The following HMCN2 variants were observed in gnomAD, a reference collection of about 807,000 sequenced individuals.
HMCN2 encodes the protein hemicentin-2.
A neutral mutation model predicts 377.5 loss-of-function variants in HMCN2; 325 were observed. The observed-to-expected ratio is 0.86, with a 90% CI of 0.79 to 0.94. The LOEUF is 0.94. HMCN2 is among the 40% of genes least tolerant of loss of function. The pLI is 0.00. For synonymous variants in HMCN2, 2,007 were observed against 2,046.8 expected (o/e 0.98, Z 0.53); for missense variants, 4,543 against 4,725.3 (o/e 0.96, Z 1.13).
chr9:130,364,653 C>A, intron 40 of HMCN2, 61 bp from the exon 41 acceptor site: 1 of 904,918 alleles, frequency 1.1e-6, no homozygotes, highest in Non-Finnish European at 1.3e-6. Context: ...CAGGGTGTGG[C>A]CCCTCCTTGC....
At position 130,382,824 on chromosome 9, in the gene HMCN2, G is replaced by T; in HGVS notation, c.8691G>T (p.Pro2897=). Residue 2897 remains proline (P), a synonymous_variant, in exon 56 of 98, where the codon CCG becomes CCT. Transcript: ENST00000683500. ...TCCAGAATGGGCTGCCTTTCTCCCC[G>T]AGCCCACGGCTGCAGGTCCTGGAGG... is the stretch of plus-strand genomic sequence containing the variant. ...SWLQNGLPFS[P]SPRLQVLEDG... 2 of 985,898 alleles carry T rather than the reference G, an allele frequency of 2.0e-6. No individual in the cohort carries two copies. The highest frequency in any genetic ancestry group is 2.4e-6 in the Non-Finnish European group (2 of 829,938). 61.1% of individuals were successfully genotyped at this position (985,898 alleles called of 1,614,324 possible).
chr9:130,310,175 T>A, intron 15 of HMCN2, 114 bp downstream of exon 15: 1 of 311,240 alleles, frequency 3.2e-6, no homozygotes, highest in Non-Finnish European at 6.6e-6. Context: ...GTAGATGGCA[T>A]CATGTGGATC....
At chr9:130,302,404 G>A (rs1294935741) in intron 8 of HMCN2, among the ~76,000 whole-genome samples, 3 of 152,144 alleles carry the variant, frequency 2.0e-5, no homozygotes, top group African/African-American at 7.2e-5. Context: ...TAAAACTGAT[G>A]TTCTAGGCGG....
chr9:130,375,632 C>T lies in HMCN2; in HGVS notation c.7700C>T (p.Pro2567Leu). ...GAGGTGACCGTGACTGTCAACAACC[C>T]CATCTCTCTGATCTGCGAGGCCCTG... ...DEEVTVTVNN[P>L]ISLICEALAF... The change falls in exon 50 of 98, where the codon CCC becomes CTC. Residue 2567 changes from proline to leucine, a missense_variant. Around this residue, in one of 5 missense-constraint regions of HMCN2, gnomAD observed 736 missense variants for 773.2 expected, o/e 0.95. Transcript: ENST00000683500. 1 of 985,884 alleles carries T rather than the reference C, an allele frequency of 1.0e-6. No homozygotes were observed. Among genetic ancestry groups the T allele is most frequent in the Non-Finnish European group, 1.2e-6 (1 of 829,970 alleles). 61.1% of individuals were successfully genotyped at this position (985,884 alleles called of 1,614,324 possible). A position where few individuals can be genotyped will look rare whatever the true frequency, so the allele number is the denominator to read the frequency against.
chr9:130,331,008 A>ACACAC (rs1838396739), intron 22 of HMCN2, among the ~76,000 whole-genome samples: 664 of 53,676 alleles, frequency 0.012, 3 homozygotes, highest in African/African-American at 0.033. Flanking sequence ...CACACACACA[A>ACACAC]ATAGCCGGAC....
chr9:130,316,772 C>T (rs980788884), intron 15 of HMCN2, among the ~76,000 whole-genome samples: 9 of 152,318 alleles, frequency 5.9e-5, no homozygotes, highest in Admixed American at 5.2e-4. Flanking sequence ...AGAGGGTCAC[C>T]TGGGAGTCTG....
At position 130,432,523 on chromosome 9, in the gene HMCN2, T is replaced by C. The variant is rs764787602; in HGVS notation, c.14862T>C (p.Cys4954=). ...RGSYQCVDTP[C]PATYRQGPSP... ...GCTACCAGTGTGTGGACACACCCTG[T>C]CCTGCCACCTACCGGCAGGGCCCCA... Residue 4954 remains cysteine (C), a synonymous_variant, in exon 97 of 98, where the codon TGT becomes TGC. Transcript: ENST00000683500. 1 of 1,550,596 alleles carries C rather than the reference T, an allele frequency of 6.4e-7. No homozygotes were observed. Among genetic ancestry groups the C allele is most frequent in the South Asian group, 1.2e-5 (1 of 84,060 alleles).
intron 7 of HMCN2, among the ~76,000 whole-genome samples, chr9:130,298,547 A>G (rs1357891567): frequency 6.6e-6 from 1 of 152,154 alleles, no homozygotes; most frequent in African/African-American, 2.4e-5. Context: ...GTCCAGTTCT[A>G]CCTCTTCTGG....
chr9:130,401,024 T>G (rs1280538159), intron 77 of HMCN2, 77 bp downstream of exon 77: 4 of 1,188,362 alleles, frequency 3.4e-6, no homozygotes, highest in Non-Finnish European at 4.3e-6. Context: ...AAAGGTCACA[T>G]GGCGGAATAG....
At chr9:130,411,953 A>T (rs113222540) in intron 85 of HMCN2, among the ~76,000 whole-genome samples, 128 of 30,320 alleles carry the variant, frequency 4.2e-3, no homozygotes, top group Non-Finnish European at 7.9e-3. Flanking sequence ...TATGTAATGT[A>T]TTTTTTTTAC....
chr9:130,406,120 A>G lies in HMCN2; in HGVS notation c.12505A>G (p.Ser4169Gly). 1 of 1,289,856 alleles carries G rather than the reference A, an allele frequency of 7.8e-7. No homozygotes were observed. Among genetic ancestry groups the G allele is most frequent in the South Asian group, 1.2e-5 (1 of 81,030 alleles). The allele number at this position is 1,289,856 out of a possible 1,614,324, so 79.9% of individuals were successfully genotyped here. A position where few individuals can be genotyped will look rare whatever the true frequency, so the allele number is the denominator to read the frequency against. ...RLWLRCAARG[S>G]PTPRIGWTVN... ...GTGGCTTCGCTGTGCAGCCCGGGGC[A>G]GCCCCACCCCTCGCATTGGCTGGAC... Residue 4169 changes from serine (S) to glycine (G), a missense_variant, in exon 82 of 98, where the codon AGC (serine) becomes GGC (glycine). Physicochemically the swap from Ser to Gly is moderately conservative, Grantham distance 56. Around this residue, in one of 5 missense-constraint regions of HMCN2, gnomAD observed 1,073 missense variants for 1,319.5 expected, o/e 0.81. Transcript: ENST00000683500.
Position 130,428,484 on chromosome 9 carries a change from G to C in HMCN2, c.14192G>C (p.Cys4731Ser), listed in dbSNP as rs1046235918. The C allele has an allele frequency of 6.5e-7, 1 of 1,540,446 alleles. No homozygotes were observed. ...TTCCGGGTGGCTGATGGGGCCGGCT[G>C]TGAAGGTGATGGGGGCACAGCATGC... ...PGFRVADGAG[C>S]EDVDECLEGL... The change falls in exon 93 of 98, where the codon TGT (cysteine) becomes TCT (serine). Residue 4731 changes from cysteine to serine, a missense_variant. Transcript: ENST00000683500. This position sits in a 1 kb window ranked among gnomAD's most constrained non-coding sequence, Gnocchi z 5.0.
chr9:130,403,067 T>C, intron 78 of HMCN2, 127 bp from the exon 79 acceptor site: 9 of 1,070,770 alleles, frequency 8.4e-6, no homozygotes, highest in Non-Finnish European at 1.1e-5. Context: ...TCCTTGTTGC[T>C]GTGGCCGATG....
intron 1 of HMCN2, among the ~76,000 whole-genome samples, chr9:130,270,480 T>C (rs1487204907): frequency 6.8e-6 from 1 of 147,992 alleles, no homozygotes; most frequent in Non-Finnish European, 1.5e-5. Flanking sequence ...GGTGTGAGGA[T>C]TGCTTGAGCC....
Position 130,299,151 on chromosome 9 carries a change from G to T in HMCN2, c.1139G>T (p.Gly380Val), listed in dbSNP as rs1554933278. The T allele has an allele frequency of 4.2e-6, 2 of 471,214 alleles. No homozygotes were observed. The highest frequency in any genetic ancestry group is 8.8e-6 in the Non-Finnish European group (2 of 227,050). The allele number at this position is 471,214 out of a possible 1,614,324, so 29.2% of individuals were successfully genotyped here. A position where few individuals can be genotyped will look rare whatever the true frequency, so the allele number is the denominator to read the frequency against. Residue 380 changes from glycine (G) to valine (V), a missense_variant, in exon 8 of 98, where the codon GGC becomes GTC. This residue lies in a region of HMCN2 where 547 missense variants were observed against 189.9 expected (regional missense o/e 2.88). Transcript: ENST00000683500. ...LTLPTKPLSN[G>V]STHQLWGGPP... ...CTGCCCACGAAGCCCCTCTCCAATG[G>T]CTCCACCCATCAGCTGTGGGGCGGG... is the stretch of plus-strand genomic sequence containing the variant.
At position 130,377,804 on chromosome 9, in the gene HMCN2, G is replaced by A. The variant is rs182590351; in HGVS notation, c.8212+5G>A. 2.6e-4 allele frequency: 260 copies of A among 986,016 alleles called. No individual in the cohort carries two copies. Among genetic ancestry groups the A allele is most frequent in the Middle Eastern group, 5.2e-4 (1 of 1,914 alleles). 61.1% of individuals were successfully genotyped at this position (986,016 alleles called of 1,614,324 possible). A position where few individuals can be genotyped will look rare whatever the true frequency, so the allele number is the denominator to read the frequency against. On this transcript the variant is annotated splice_donor_5th_base_variant and intron_variant, in intron 53 of 97. Coordinates refer to ENST00000683500, the MANE Select transcript of HMCN2 (RefSeq NM_001291815.2). ...ACTTCAACGTGCTCATCCAGGGTGCGTGGCGCCAGTGGGCCAGGGGTGGGG... is the reference window on the plus strand; with the variant it reads ...ACTTCAACGTGCTCATCCAGGGTGCATGGCGCCAGTGGGCCAGGGGTGGGG...
chr9:130,357,221 G>C (rs1315808100), intron 34 of HMCN2, among the ~76,000 whole-genome samples: 1 of 138,028 alleles, frequency 7.2e-6, no homozygotes, highest in East Asian at 2.5e-4. Flanking sequence ...CGGGTAGATG[G>C]ATGAATGGGT....
At chr9:130,413,845 C>T (rs370138189) in intron 85 of HMCN2, among the ~76,000 whole-genome samples, 1 of 152,080 alleles carries the variant, frequency 6.6e-6, no homozygotes, top group East Asian at 1.9e-4. Flanking sequence ...AGAAAGAAAA[C>T]TTGTAAATAA....
At chr9:130,383,967 G>A (rs7871552) in intron 57 of HMCN2, among the ~76,000 whole-genome samples, 7,923 of 151,944 alleles carry the variant, frequency 0.052, 272 homozygotes, top group Middle Eastern at 0.1. Context: ...TCAGAGAGGA[G>A]TGGGATTGGG....
Sources: gnomAD v4.1 joint callset for allele counts (sites outside exome capture counted in the v4.1 genomes callset) on GRCh38, gnomAD v4.1.1 for gene constraint, gnomAD v4.1.1 regional missense constraint, Gnocchi (gnomAD v3.1) non-coding constraint, MANE v1.5 for transcripts, NCBI Gene and HGNC (gene_info 2026-07-23, HGNC 2026-07-21) for gene names.